ASZ1: variants seen among roughly 807,000 people sequenced by gnomAD.
ASZ1 encodes the protein ankyrin repeat, SAM and basic leucine zipper domain containing 1.
In ASZ1, 67 loss-of-function variants were observed where a neutral mutation model predicts 61.8. That is an observed-to-expected ratio of 1.08 (90% CI 0.89 to 1.33). The LOEUF is 1.33. Among genes scored for constraint, ASZ1 ranks in the 40% most tolerant of loss-of-function variants. The probability of loss-of-function intolerance (pLI) is 0.00; values close to 1 mark genes in which losing one functional copy is unlikely to be tolerated. For synonymous variants in ASZ1, 193 were observed against 192.7 expected (o/e 1.00, Z -0.01); for missense variants, 577 against 554.5 (o/e 1.04, Z -0.41).
At chr7:117,380,552 C>T (rs1254209279) in intron 9 of ASZ1, among the ~76,000 whole-genome samples, 2 of 151,608 alleles carry the variant, frequency 1.3e-5, no homozygotes, top group Non-Finnish European at 3.0e-5. Context: ...TTGCTTTTTA[C>T]ATATGCTATT....
chr7:117,382,191 C>T (rs1346232506), intron 7 of ASZ1, 47 bp from the exon 8 acceptor site: 5 of 1,107,646 alleles, frequency 4.5e-6, no homozygotes, highest in East Asian at 2.4e-5. Context: ...ATTATAAATG[C>T]ACAAGCGATA....
Position 117,427,476 on chromosome 7 carries a change from T to G in ASZ1, c.-16A>C, listed in dbSNP as rs746229695. 6.2e-7 allele frequency: 1 copy of G among 1,613,060 alleles called. No homozygotes were observed. Among genetic ancestry groups the G allele is most frequent in the East Asian group, 2.2e-5 (1 of 44,858 alleles). On this transcript the variant is annotated 5_prime_UTR_variant, in exon 1 of 13. Coordinates refer to ENST00000284629, the MANE Select transcript of ASZ1 (RefSeq NM_130768.3). Reference sequence around the variant, plus strand: ...TCGCCGCCATGCCAGCCAAGGAAGCTCCCTGTCGGCACCGCGCGCCCTTCA... The same window carrying G: ...TCGCCGCCATGCCAGCCAAGGAAGCGCCCTGTCGGCACCGCGCGCCCTTCA...
At chr7:117,411,238 A>C (rs1236469573) in intron 4 of ASZ1, among the ~76,000 whole-genome samples, 1 of 151,822 alleles carries the variant, frequency 6.6e-6, no homozygotes, top group African/African-American at 2.4e-5. Context: ...TAAATATGCA[A>C]GATAACCCTA....
At chr7:117,414,243 T>C (rs546648301) in intron 4 of ASZ1, among the ~76,000 whole-genome samples, 7 of 152,276 alleles carry the variant, frequency 4.6e-5, no homozygotes, top group African/African-American at 1.4e-4. Flanking sequence ...ATTAAAGGGA[T>C]GTTTTTTCCT....
intron 4 of ASZ1, among the ~76,000 whole-genome samples, chr7:117,418,710 C>CCAGCACTTTGGGAGG (rs1246972030): frequency 6.7e-6 from 1 of 150,372 alleles, no homozygotes; most frequent in Non-Finnish European, 1.5e-5. Flanking sequence ...ACTTTTAATC[C>CCAGCACTTTGGGAGG]CAGCACTTTG....
At chr7:117,384,017 C>T (rs1366190391) in intron 6 of ASZ1, among the ~76,000 whole-genome samples, 1 of 152,006 alleles carries the variant, frequency 6.6e-6, no homozygotes, top group Non-Finnish European at 1.5e-5. Context: ...TTGATGATTA[C>T]ATGACGGAAT....
intron 4 of ASZ1, among the ~76,000 whole-genome samples, chr7:117,396,604 T>C (rs1796579855): frequency 6.6e-6 from 1 of 152,210 alleles, no homozygotes; most frequent in South Asian, 2.1e-4. Context: ...TTTGTATAGA[T>C]GACATGAATC....
At chr7:117,412,083 T>G (rs1395271207) in intron 4 of ASZ1, among the ~76,000 whole-genome samples, 2 of 146,022 alleles carry the variant, frequency 1.4e-5, no homozygotes, top group Non-Finnish European at 3.0e-5. Flanking sequence ...TGTGTGTGAC[T>G]GTGTGTCTGT....
chr7:117,372,679 A>C (rs1032195825), intron 10 of ASZ1, among the ~76,000 whole-genome samples: 3 of 152,190 alleles, frequency 2.0e-5, no homozygotes, highest in African/African-American at 7.2e-5. Context: ...TTATGCGCTC[A>C]CTGTAGAATA....
At chr7:117,426,703 G>C in intron 2 of ASZ1, 133 bp downstream of exon 2, 2 of 807,814 alleles carry the variant, frequency 2.5e-6, no homozygotes, top group Non-Finnish European at 3.9e-6. Context: ...CTCAGTCAAC[G>C]AAGATTATGC....
intron 4 of ASZ1, among the ~76,000 whole-genome samples, chr7:117,410,604 T>C (rs1012217290): frequency 2.0e-5 from 3 of 151,554 alleles, no homozygotes; most frequent in Admixed American, 1.3e-4. Context: ...CTGGTTATCA[T>C]TATACTGTTG....
intron 4 of ASZ1, among the ~76,000 whole-genome samples, chr7:117,400,522 G>T (rs1191475917): frequency 6.6e-6 from 1 of 152,076 alleles, no homozygotes; most frequent in Non-Finnish European, 1.5e-5. Flanking sequence ...GTAACTTTAG[G>T]CCTTCTTATG....
At chr7:117,415,960 G>A (rs1428623836) in intron 4 of ASZ1, among the ~76,000 whole-genome samples, 1 of 152,198 alleles carries the variant, frequency 6.6e-6, no homozygotes, top group African/African-American at 2.4e-5. Flanking sequence ...GGAGGCCAAG[G>A]CAGGTGGATC....
chr7:117,391,868 A>G (rs944006478), intron 4 of ASZ1, among the ~76,000 whole-genome samples: 3 of 151,866 alleles, frequency 2.0e-5, no homozygotes, highest in African/African-American at 7.3e-5. Flanking sequence ...TCTCGGGTCA[A>G]TGCAATGTCT....
intron 4 of ASZ1, among the ~76,000 whole-genome samples, chr7:117,417,137 TTTG>T (rs2116529733): frequency 6.6e-6 from 1 of 152,282 alleles, no homozygotes; most frequent in Non-Finnish European, 1.5e-5. Flanking sequence ...TTTCCAAGAC[TTTG>T]TTATTAATTT....
intron 4 of ASZ1, among the ~76,000 whole-genome samples, chr7:117,419,882 GAGT>G (rs770941438): frequency 1.3e-5 from 2 of 152,256 alleles, no homozygotes; most frequent in East Asian, 3.9e-4. Flanking sequence ...ATATTCTTTA[GAGT>G]AGTATGATTC....
At chr7:117,419,110 ATTCT>A (rs1050490647) in intron 4 of ASZ1, among the ~76,000 whole-genome samples, 82 of 152,072 alleles carry the variant, frequency 5.4e-4, no homozygotes, top group African/African-American at 2.0e-3. Context: ...GGGATTTGTA[ATTCT>A]TTGTTTTGAG....
chr7:117,391,678 G>A (rs564692123), intron 4 of ASZ1, among the ~76,000 whole-genome samples: 33 of 152,286 alleles, frequency 2.2e-4, no homozygotes, highest in African/African-American at 7.2e-4. Context: ...GTACAATACT[G>A]TTTTGATTAC....
chr7:117,378,485 C>T (rs1049904892), intron 10 of ASZ1, among the ~76,000 whole-genome samples: 2 of 152,046 alleles, frequency 1.3e-5, no homozygotes, highest in Non-Finnish European at 2.9e-5. Context: ...CAAGCTATTA[C>T]TGTATACCCA....
Sources: allele counts gnomAD v4.1 joint callset (sites outside exome capture counted in the v4.1 genomes callset), GRCh38; gene constraint gnomAD v4.1.1; transcripts MANE v1.5; gene names NCBI Gene and HGNC (gene_info 2026-07-23, HGNC 2026-07-21).